Variants in CDC27 observed in about 807,000 individuals in gnomAD.
The protein encoded by CDC27 is cell division cycle 27, also known as cell division cycle protein 27 homolog.
CDC27 carries 27 observed loss-of-function variants against 109.7 expected under a neutral mutation model. The ratio of observed to expected loss-of-function variants is 0.25; its 90% CI spans 0.18 to 0.34. The LOEUF is 0.34. Among genes scored for constraint, CDC27 ranks in the 10% least tolerant of loss-of-function variants. The pLI is 1.00. For missense variants in CDC27, 579 were observed against 960.2 expected, an observed-to-expected ratio of 0.60 and a Z score of 5.25; for synonymous variants, 266 against 333.9, an observed-to-expected ratio of 0.80 and a Z score of 2.22.
chr17:47,139,167 A>C (rs2062717537), intron 12 of CDC27, among the ~76,000 whole-genome samples: 1 of 152,224 alleles, frequency 6.6e-6, no homozygotes, highest in Non-Finnish European at 1.5e-5. Flanking sequence ...AAAAAGACCG[A>C]AGAGAAATCT....
chr17:47,133,895 T>A (rs768837458), intron 14 of CDC27, among the ~76,000 whole-genome samples: 35 of 152,126 alleles, frequency 2.3e-4, no homozygotes, highest in Middle Eastern at 3.4e-3. Context: ...ATTACAGGCA[T>A]GTGTCACCAC....
intron 4 of CDC27, chr17:47,161,163 A>G (rs931163455): frequency 2.3e-4 from 35 of 150,152 alleles, no homozygotes; most frequent in African/African-American, 8.6e-4. Context: ...AGCTGGGACT[A>G]CAAGTGCATG....
At chr17:47,140,523 A>T (rs977735269) in intron 12 of CDC27, among the ~76,000 whole-genome samples, 1 of 152,238 alleles carries the variant, frequency 6.6e-6, no homozygotes, top group Non-Finnish European at 1.5e-5. Flanking sequence ...CTGAAAAATG[A>T]TTATGGCATA....
chr17:47,166,983 T>C (rs1385757582), intron 4 of CDC27, among the ~76,000 whole-genome samples: 1 of 152,174 alleles, frequency 6.6e-6, no homozygotes, highest in African/African-American at 2.4e-5. Flanking sequence ...GACTCCCAAG[T>C]AGCTGAGATT....
At chr17:47,169,548 G>A (rs542032486) in intron 4 of CDC27, among the ~76,000 whole-genome samples, 13 of 151,782 alleles carry the variant, frequency 8.6e-5, no homozygotes, top group Admixed American at 5.3e-4. Context: ...GGGAGGCTGA[G>A]GCAGGAGAAT....
chr17:47,178,739 C>A (rs939526627), intron 2 of CDC27, among the ~76,000 whole-genome samples: 10 of 151,934 alleles, frequency 6.6e-5, no homozygotes, highest in Non-Finnish European at 8.8e-5. Context: ...GAAAATAAGG[C>A]TCAGAATGAC....
rs201321536 is a variant in CDC27, at chr17:47,143,915, G to T, written c.1138C>A (p.Arg380=). ...GTGGAGCTGTCACTAGTAAAGAGTCGTGAACTTCTTCGAGGCAGTGCGTTT... is the reference window on the plus strand; with the variant it reads ...GTGGAGCTGTCACTAGTAAAGAGTCTTGAACTTCTTCGAGGCAGTGCGTTT... The part of the protein sequence containing the change: ...PPNALPRRSS[R]LFTSDSSTTK... Residue 380 remains arginine, a synonymous_variant, in exon 10 of 19, where the codon CGA becomes AGA. Coordinates refer to ENST00000066544, the MANE Select transcript of CDC27 (RefSeq NM_001256.6). The T allele has an allele frequency of 6.7e-7, 1 of 1,493,112 alleles. No homozygotes were observed. The allele number at this position is 1,493,112 out of a possible 1,614,324, so 92.5% of individuals were successfully genotyped here.
chr17:47,146,094 T>G (rs1307480057), intron 9 of CDC27, among the ~76,000 whole-genome samples: 1 of 152,220 alleles, frequency 6.6e-6, no homozygotes, highest in Admixed American at 6.5e-5. Flanking sequence ...GTAAACATAC[T>G]GATGCATTGG....
Position 47,132,297 on chromosome 17 carries a change from A to T in CDC27, c.1991T>A (p.Ile664Asn). 3 of 1,603,456 alleles carry T rather than the reference A, an allele frequency of 1.9e-6. No homozygotes were observed. The highest frequency in any genetic ancestry group is 1.7e-6 in the Non-Finnish European group (2 of 1,173,420). ...AAGTAAAACTGAACTTTGAGGGTTG[A>T]TATCAAGCGCTTTTTGGAAATGCAT... is the stretch of plus-strand genomic sequence containing the variant. ...AEMHFQKALDINPQSSVLLCH... is the reference protein window; with the variant it reads ...AEMHFQKALDNNPQSSVLLCH... The change falls in exon 15 of 19, where the codon ATC (isoleucine) becomes AAC (asparagine). Residue 664 changes from isoleucine (I) to asparagine (N), a missense_variant. Ile to Asn is a moderately radical substitution (Grantham distance 149, BLOSUM62 -3). Around this residue, in one of 9 missense-constraint regions of CDC27, gnomAD observed 227 missense variants for 363.6 expected, o/e 0.62. Coordinates refer to ENST00000066544, the MANE Select transcript of CDC27 (RefSeq NM_001256.6).
intron 11 of CDC27, 97 bp from the exon 12 acceptor site, chr17:47,142,122 A>C: frequency 8.7e-7 from 1 of 1,148,702 alleles, no homozygotes; most frequent in South Asian, 1.7e-5. Context: ...TAAAAATTCC[A>C]ACATCTATAT....
chr17:47,167,615 T>C (rs894723184), intron 4 of CDC27, among the ~76,000 whole-genome samples: 7 of 152,222 alleles, frequency 4.6e-5, no homozygotes, highest in African/African-American at 1.7e-4. Context: ...AAAACGAACT[T>C]TGAGTGTGGA....
rs1029234838 is a variant in CDC27 at position 47,189,024 on chromosome 17, G to A, written c.27+122C>T. 37 of 1,504,714 alleles carry A rather than the reference G, an allele frequency of 2.5e-5. No individual in the cohort carries two copies. In the East Asian group the frequency reaches 3.7e-4, roughly 15 times the overall value. 93.2% of individuals were successfully genotyped at this position (1,504,714 alleles called of 1,614,324 possible). A position where few individuals can be genotyped will look rare whatever the true frequency, so the allele number is the denominator to read the frequency against. ...AACTGACTAAAGATAGGCAGGACAC[G>A]GCAGCAGGGGAGGCGGGAGAAGCAG... On this transcript the variant is annotated intron_variant, in intron 1 of 18. Coordinates refer to ENST00000066544, the MANE Select transcript of CDC27 (RefSeq NM_001256.6).
At position 47,117,891 on chromosome 17, in the gene CDC27, G is replaced by A. The variant is rs1413095355; in HGVS notation, c.*3044C>T. 1 of 152,152 alleles carries A rather than the reference G, an allele frequency of 6.6e-6. No individual in the cohort carries two copies. Among genetic ancestry groups the A allele is most frequent in the African/African-American group, 2.4e-5 (1 of 41,444 alleles). The allele number at this position is 152,152 out of a possible 1,614,324, so 9.4% of individuals were successfully genotyped here. A position where few individuals can be genotyped will look rare whatever the true frequency, so the allele number is the denominator to read the frequency against. On this transcript the variant is annotated 3_prime_UTR_variant, in exon 19 of 19. Coordinates refer to ENST00000066544, the MANE Select transcript of CDC27 (RefSeq NM_001256.6). ...TTCTTATTAAAATACAGATGGCACA[G>A]CTTTCATATAGCTTTAACAACTTGA...
intron 4 of CDC27, among the ~76,000 whole-genome samples, chr17:47,162,279 T>C (rs972446633): frequency 2.0e-5 from 3 of 152,224 alleles, no homozygotes. Context: ...AGGATCCTTA[T>C]TGCTTCTCAT....
chr17:47,137,714 C>T (rs1432299930), intron 13 of CDC27, among the ~76,000 whole-genome samples: 1 of 151,926 alleles, frequency 6.6e-6, no homozygotes, highest in Non-Finnish European at 1.5e-5. Flanking sequence ...AGCTTTGGCT[C>T]TGGGGACAGT....
At chr17:47,129,668 T>TA (rs1447048303) in intron 15 of CDC27, 147 bp from the exon 16 acceptor site, 14 of 474,614 alleles carry the variant, frequency 2.9e-5, no homozygotes, top group African/African-American at 2.3e-4. Flanking sequence ...TAAGTGGATT[T>TA]AGTAATTAAT....
In CDC27 at chr17:47,122,453, C is replaced by T. The variant is rs1307043243; in HGVS notation, c.2383G>A (p.Glu795Lys). ...TATGTATGATACTTACTGATCTGTT[C>T]TTCTTGGGTTATTGGCTCCTCATCA... ...PDDEEPITQEEQIMGTDESQE... is the reference protein window; with the variant it reads ...PDDEEPITQEKQIMGTDESQE... The change falls in exon 18 of 19, where the codon GAA becomes AAA. Residue 795 changes from glutamate to lysine, a missense_variant. Around this residue, in one of 9 missense-constraint regions of CDC27, gnomAD observed 227 missense variants for 363.6 expected, o/e 0.62. Transcript: ENST00000066544. The T allele has an allele frequency of 1.2e-6, 2 of 1,601,502 alleles. No homozygotes were observed. The highest frequency in any genetic ancestry group is 1.7e-6 in the Non-Finnish European group (2 of 1,173,628).
In CDC27 at chr17:47,148,384, C is replaced by T. The variant is rs117757076; in HGVS notation, c.1070+3422G>A. Among the ~76,000 whole-genome samples, 44 of 152,018 alleles carry T rather than the reference C, an allele frequency of 2.9e-4. No individual in the cohort carries two copies. In the East Asian group the frequency reaches 3.1e-3, roughly 11 times the overall value. On this transcript the variant is annotated intron_variant, in intron 9 of 18. Coordinates refer to ENST00000066544, the MANE Select transcript of CDC27 (RefSeq NM_001256.6). Reference sequence around the variant, plus strand: ...AATAAACACTATCCAAAATGAAACACGGAGAGGAGAAAGATTGGAAACAAA... The same window carrying T: ...AATAAACACTATCCAAAATGAAACATGGAGAGGAGAAAGATTGGAAACAAA...
chr17:47,164,266 G>A (rs1022409396), intron 4 of CDC27, among the ~76,000 whole-genome samples: 1 of 152,186 alleles, frequency 6.6e-6, no homozygotes, highest in Non-Finnish European at 1.5e-5. Flanking sequence ...TGCACTTTAT[G>A]ATGTTCACAA....
Sources: allele counts gnomAD v4.1 joint callset (sites outside exome capture counted in the v4.1 genomes callset), GRCh38; gene constraint gnomAD v4.1.1; regional missense constraint gnomAD v4.1.1; transcripts MANE v1.5; gene names NCBI Gene and HGNC (gene_info 2026-07-23, HGNC 2026-07-21).